Variants in RIMKLB observed in about 807,000 individuals in gnomAD.
RIMKLB encodes the protein ribosomal modification protein rimK like family member B, also known as beta-citrylglutamate synthase B.
In RIMKLB, 7 loss-of-function variants were observed where a neutral mutation model predicts 32.0. The observed-to-expected ratio is 0.22, with a 90% CI of 0.12 to 0.41. The LOEUF is 0.41. Ranked by LOEUF, RIMKLB falls within the 10% of genes least tolerant of loss-of-function variation. RIMKLB has a pLI of 1.00. For missense variants in RIMKLB, 289 were observed against 498.7 expected, an observed-to-expected ratio of 0.58 and a Z score of 4.00; for synonymous variants, 172 against 185.1, an observed-to-expected ratio of 0.93 and a Z score of 0.57.
chr12:8,692,203 C>CT (rs1942752912), upstream of RIMKLB, among the ~76,000 whole-genome samples: 4 of 152,158 alleles, frequency 2.6e-5, no homozygotes, highest in Admixed American at 2.0e-4. Flanking sequence ...GCCTCATTTT[C>CT]TCTTCAGTCA....
intron 1 of RIMKLB, among the ~76,000 whole-genome samples, chr12:8,682,184 CAG>C (rs1171855947): frequency 1.3e-5 from 2 of 152,254 alleles, no homozygotes; most frequent in Non-Finnish European, 2.9e-5. Context: ...TTAAAGGAAT[CAG>C]AATTCTTCAA....
intron 4 of RIMKLB, among the ~76,000 whole-genome samples, chr12:8,752,747 GT>G (rs113660868): frequency 2.7e-5 from 4 of 146,510 alleles, no homozygotes; most frequent in South Asian, 2.2e-4. Flanking sequence ...TTTGTTTTTT[GT>G]TTTTTTTTTG....
chr12:8,748,167 G>A (rs1056903688), intron 2 of RIMKLB, among the ~76,000 whole-genome samples: 34 of 152,170 alleles, frequency 2.2e-4, no homozygotes, highest in Non-Finnish European at 1.5e-5. Flanking sequence ...AGGTGAATAT[G>A]TTCTGTATTT....
Position 8,685,839 on chromosome 12 carries a change from G to A in RIMKLB, n.219+4021G>A, listed in dbSNP as rs1156430525. 4.0e-5 allele frequency among the ~76,000 whole-genome samples: 6 copies of A among 150,256 alleles called. No homozygotes were observed. In the South Asian group the frequency reaches 6.3e-4, roughly 16 times the overall value. The stretch of plus-strand genomic sequence containing the variant: ...TTATTCTTTTTTGAGACAGAGTCTC[G>A]CTCTGTCTCCCAGGCTGGAGTGCTG... On this transcript the variant is annotated intron_variant and non_coding_transcript_variant, in intron 1 of 1. Coordinates refer to the RIMKLB transcript ENST00000538758.
chr12:8,676,583 G>C, the RIMKLB span, among the ~76,000 whole-genome samples: 1 of 151,558 alleles, frequency 6.6e-6, no homozygotes, highest in Non-Finnish European at 1.5e-5. Flanking sequence ...ATTTTTAGTA[G>C]ACACGGGGTT....
downstream of RIMKLB, chr12:8,779,214 G>C (rs987508812): frequency 6.6e-6 from 1 of 152,164 alleles, no homozygotes; most frequent in African/African-American, 2.4e-5. Flanking sequence ...TCAGCTGCCT[G>C]TTTGAATACC....
intron 1 of RIMKLB, among the ~76,000 whole-genome samples, chr12:8,683,030 ACTT>A (rs1045569854): frequency 1.3e-5 from 2 of 152,040 alleles, no homozygotes; most frequent in African/African-American, 4.8e-5. Context: ...TTTCAGATTG[ACTT>A]CTTCCACTTA....
At position 8,776,239 on chromosome 12, in the gene RIMKLB, A is replaced by G. The variant is rs867168993; in HGVS notation, c.*2455A>G. ...AATTAGTTCATTAGCTTTATTCACT[A>G]TTATGCATTCACATGATATTAAAAC... is the stretch of plus-strand genomic sequence containing the variant. On this transcript the variant is annotated 3_prime_UTR_variant, in exon 6 of 6. Coordinates refer to ENST00000535829, the MANE Select transcript of RIMKLB (RefSeq NM_001297776.2). 3.6e-5 allele frequency: 35 copies of G among 978,702 alleles called. 1 individual carries two copies. The Middle Eastern group carries it at 1.6e-3, about 44-fold the overall frequency. The allele number at this position is 978,702 out of a possible 1,614,324, so 60.6% of individuals were successfully genotyped here. A position where few individuals can be genotyped will look rare whatever the true frequency, so the allele number is the denominator to read the frequency against.
chr12:8,674,222 CTT>C, the RIMKLB span, among the ~76,000 whole-genome samples: 7 of 120,910 alleles, frequency 5.8e-5, no homozygotes, highest in South Asian at 2.7e-4. Context: ...TCTCACAATT[CTT>C]TTTTTTTTTT....
chr12:8,740,030 C>T (rs181558067), intron 2 of RIMKLB, among the ~76,000 whole-genome samples: 5 of 152,234 alleles, frequency 3.3e-5, no homozygotes, highest in Admixed American at 6.5e-5. Flanking sequence ...CTTAGCCTCC[C>T]CAGTAGCTGG....
intron 5 of RIMKLB, among the ~76,000 whole-genome samples, chr12:8,771,078 G>A (rs943267780): frequency 2.0e-5 from 3 of 152,180 alleles, no homozygotes; most frequent in South Asian, 2.1e-4. Context: ...GAGCCTCTAC[G>A]TGTCCAGCTA....
chr12:8,753,651 C>G (rs923429255), intron 4 of RIMKLB, among the ~76,000 whole-genome samples: 1 of 152,044 alleles, frequency 6.6e-6, no homozygotes. Flanking sequence ...CAGCATATAT[C>G]AAAATAAATT....
chr12:8,734,787 TA>T (rs1325621520), intron 2 of RIMKLB, among the ~76,000 whole-genome samples: 3 of 151,958 alleles, frequency 2.0e-5, no homozygotes, highest in Admixed American at 6.5e-5. Flanking sequence ...AATTATTTTA[TA>T]AAAATAGATA....
upstream of RIMKLB, among the ~76,000 whole-genome samples, chr12:8,680,977 T>A (rs1217766861): frequency 6.7e-6 from 1 of 148,374 alleles, no homozygotes; most frequent in Non-Finnish European, 1.5e-5. Flanking sequence ...CTGCTGTTCT[T>A]CAGGTCTGGT....
chr12:8,751,889 G>A (rs940712549), intron 3 of RIMKLB, 68 bp from the exon 4 acceptor site: 55 of 1,027,034 alleles, frequency 5.4e-5, no homozygotes, highest in East Asian at 9.5e-5. Flanking sequence ...TGTCTTTAGC[G>A]TTGATAAAAT....
intron 4 of RIMKLB, among the ~76,000 whole-genome samples, chr12:8,752,327 C>T (rs1233713939): frequency 1.3e-5 from 2 of 152,264 alleles, no homozygotes; most frequent in East Asian, 1.9e-4. Flanking sequence ...CTAAGGCAGG[C>T]GGATCGCCTG....
At chr12:8,687,506 T>G (rs1942610343) in intron 1 of RIMKLB, among the ~76,000 whole-genome samples, 1 of 152,164 alleles carries the variant, frequency 6.6e-6, no homozygotes, top group African/African-American at 2.4e-5. Flanking sequence ...TTTCTTTGTT[T>G]CTCCTTTTAT....
chr12:8,732,779 ACACT>A (rs1350400090), intron 2 of RIMKLB, among the ~76,000 whole-genome samples: 3 of 151,562 alleles, frequency 2.0e-5, no homozygotes, highest in African/African-American at 7.3e-5. Context: ...ACACACACAC[ACACT>A]CTCTTTAATT....
intron 2 of RIMKLB, among the ~76,000 whole-genome samples, chr12:8,728,105 A>G (rs1033280154): frequency 6.6e-6 from 1 of 152,006 alleles, no homozygotes; most frequent in Non-Finnish European, 1.5e-5. Context: ...TCTTTCTTAC[A>G]ATTCCCATAT....
Sources: gnomAD v4.1 joint callset for allele counts (sites outside exome capture counted in the v4.1 genomes callset) on GRCh38, gnomAD v4.1.1 for gene constraint, MANE v1.5 for transcripts, NCBI Gene and HGNC (gene_info 2026-07-23, HGNC 2026-07-21) for gene names.